Variants in SAMD4B observed in about 807,000 individuals in gnomAD.
The protein encoded by SAMD4B is protein Smaug homolog 2.
A neutral mutation model predicts 74.5 loss-of-function variants in SAMD4B; 5 were observed. The ratio of observed to expected loss-of-function variants is 0.07; its 90% CI spans 0.04 to 0.14. The LOEUF is 0.14. SAMD4B is among the 10% of genes least tolerant of loss of function. The pLI, the probability that SAMD4B is intolerant of heterozygous loss-of-function variation, is 1.00. For missense variants in SAMD4B, 608 were observed against 921.8 expected (o/e 0.66, Z 4.41); for synonymous variants, 373 against 374.9 (o/e 1.00, Z 0.06).
intron 3 of SAMD4B, among the ~76,000 whole-genome samples, chr19:39,363,441 G>T (rs1288030421): frequency 6.6e-6 from 1 of 152,106 alleles, no homozygotes; most frequent in Non-Finnish European, 1.5e-5. Flanking sequence ...CACCCCTGTC[G>T]GGAATCTTAA....
downstream of SAMD4B, chr19:39,387,280 A>G: frequency 2.9e-6 from 1 of 343,518 alleles, no homozygotes; most frequent in Non-Finnish European, 6.0e-6. Flanking sequence ...AACATAGAAA[A>G]GGTATAGTAA....
intron 12 of SAMD4B, among the ~76,000 whole-genome samples, chr19:39,381,751 C>T (rs369479906): frequency 2.8e-4 from 43 of 152,154 alleles, no homozygotes; most frequent in African/African-American, 9.4e-4. Context: ...GACAACATGG[C>T]GAAACCCCAT....
chr19:39,386,977 G>T (rs968087637), downstream of SAMD4B, among the ~76,000 whole-genome samples: 1 of 152,232 alleles, frequency 6.6e-6, no homozygotes, highest in African/African-American at 2.4e-5. This position sits in a 1 kb window ranked among gnomAD's most constrained non-coding sequence, Gnocchi z 6.1. Flanking sequence ...GAGGGCAGGG[G>T]AAAGGAAGGA....
intron 1 of SAMD4B, among the ~76,000 whole-genome samples, chr19:39,347,692 AG>A (rs1230841827): frequency 6.6e-6 from 1 of 152,166 alleles, no homozygotes; most frequent in Non-Finnish European, 1.5e-5. Context: ...TTTGGAAGAG[AG>A]TTAAGTAGGA....
intron 4 of SAMD4B, among the ~76,000 whole-genome samples, chr19:39,374,976 A>G (rs932368405): frequency 7.9e-5 from 12 of 152,204 alleles, no homozygotes; most frequent in African/African-American, 2.9e-4. Flanking sequence ...GTGACTTCAG[A>G]TTAAGGGTTC....
chr19:39,357,861 G>A (rs1228785774), intron 3 of SAMD4B, among the ~76,000 whole-genome samples: 1 of 152,216 alleles, frequency 6.6e-6, no homozygotes, highest in African/African-American at 2.4e-5. Context: ...GGGGCTCCAT[G>A]CAGTTTGTCC....
intron 12 of SAMD4B, among the ~76,000 whole-genome samples, chr19:39,382,411 A>T (rs1338747790): frequency 6.6e-6 from 1 of 152,166 alleles, no homozygotes; most frequent in Non-Finnish European, 1.5e-5. Flanking sequence ...GCAATCTGAG[A>T]CAGGTCTTGC....
At chr19:39,356,241 T>C (rs946661658) in intron 2 of SAMD4B, among the ~76,000 whole-genome samples, 11 of 152,190 alleles carry the variant, frequency 7.2e-5, no homozygotes, top group Admixed American at 5.9e-4. Flanking sequence ...GGAGTCACAC[T>C]GCCCAGCTCT....
At chr19:39,364,153 C>G (rs1477652245) in intron 3 of SAMD4B, among the ~76,000 whole-genome samples, 2 of 152,354 alleles carry the variant, frequency 1.3e-5, no homozygotes, top group East Asian at 3.9e-4. Flanking sequence ...TGCATTGAGC[C>G]CAACCCTTGG....
chr19:39,369,633 TTTC>T lies in SAMD4B; in HGVS notation c.197-16_197-14del, dbSNP rs1462649120. ...GTACCCCACCCTGGCTCTCCTGATA[TTTC>T]TTCTTATCCCTTCTGTAGCCATCGT... On this transcript the variant is annotated intron_variant, in intron 3 of 13. Transcript: ENST00000610417. 13 of 1,604,862 alleles carry T rather than the reference TTTC, an allele frequency of 8.1e-6. No individual in the cohort carries two copies. The highest frequency in any genetic ancestry group is 2.2e-5 in the East Asian group (1 of 44,750).
intron 3 of SAMD4B, among the ~76,000 whole-genome samples, chr19:39,358,213 G>A (rs1442340679): frequency 6.6e-6 from 1 of 152,206 alleles, no homozygotes; most frequent in Non-Finnish European, 1.5e-5. Context: ...GGAGGTTGCA[G>A]TGAGCCAAAA....
At position 39,377,579 on chromosome 19, in the gene SAMD4B, C is replaced by G; in HGVS notation, c.1199C>G (p.Thr400Ser). 1 of 1,613,864 alleles carries G rather than the reference C, an allele frequency of 6.2e-7. No individual in the cohort carries two copies. The highest frequency in any genetic ancestry group is 1.1e-5 in the South Asian group (1 of 91,008). The change falls in exon 8 of 14, where the codon ACC becomes AGC. Residue 400 changes from threonine (T) to serine (S), a missense_variant. Thr to Ser is a moderately conservative substitution (Grantham distance 58, BLOSUM62 1). Around this residue, in one of 9 missense-constraint regions of SAMD4B, gnomAD observed 99 missense variants for 112.1 expected, o/e 0.88. Transcript: ENST00000610417. ...AAGGCCTACAGTGTCCTCCAGGCCA[C>G]CGTGGCTGCCGCCACCACCACCCCT... is the stretch of plus-strand genomic sequence containing the variant. ...PIKAYSVLQA[T>S]VAAATTTPTA...
chr19:39,367,216 G>A (rs1412523994), intron 3 of SAMD4B, among the ~76,000 whole-genome samples: 2 of 152,090 alleles, frequency 1.3e-5, no homozygotes, highest in South Asian at 2.1e-4. Context: ...ACTCCTTTGG[G>A]GTCCTAGCTC....
chr19:39,383,029 G>A lies in SAMD4B; in HGVS notation c.1973-179G>A, dbSNP rs2078096446. Among the ~76,000 whole-genome samples, 1 of 152,004 alleles carries A rather than the reference G, an allele frequency of 6.6e-6. No individual in the cohort carries two copies. The highest frequency in any genetic ancestry group is 1.5e-5 in the Non-Finnish European group (1 of 67,992). On this transcript the variant is annotated intron_variant, in intron 12 of 13. Transcript: ENST00000610417. This position sits in a 1 kb window ranked among gnomAD's most constrained non-coding sequence, Gnocchi z 4.1. Reference sequence around the variant, plus strand: ...TTGCCAAGCCTCTGCCATTGCCATTGTCTCCTCTGCCTGTTGTGTGACACG... The same window carrying A: ...TTGCCAAGCCTCTGCCATTGCCATTATCTCCTCTGCCTGTTGTGTGACACG...
Position 39,378,022 on chromosome 19 carries a change from C to T in SAMD4B, c.1444+198C>T, listed in dbSNP as rs2077708833. 1.3e-5 allele frequency among the ~76,000 whole-genome samples: 2 copies of T among 152,214 alleles called. No individual in the cohort carries two copies. The highest frequency in any genetic ancestry group is 4.8e-5 in the African/African-American group (2 of 41,448). On this transcript the variant is annotated intron_variant, in intron 8 of 13. Transcript: ENST00000610417. The surrounding 1 kb of genome is among the most constrained non-coding windows in gnomAD (Gnocchi z 4.4). ...GCACGTCTGGGCTGATGGTGGATAACAGCCCTTCCCCTCAAAGCGTCTCCA... is the reference window on the plus strand; with the variant it reads ...GCACGTCTGGGCTGATGGTGGATAATAGCCCTTCCCCTCAAAGCGTCTCCA...
At position 39,378,396 on chromosome 19, in the gene SAMD4B, T is replaced by C; in HGVS notation, c.1445-108T>C. On this transcript the variant is annotated intron_variant, in intron 8 of 13. Coordinates refer to ENST00000610417, the MANE Select transcript of SAMD4B (RefSeq NM_001384574.2). The surrounding 1 kb of genome is among the most constrained non-coding windows in gnomAD (Gnocchi z 4.4). ...GCTAGCACTTAATAGTTGATATTCA[T>C]CCAGCCTGAGTCTCCTGTTCCTTCT... is the stretch of plus-strand genomic sequence containing the variant. 2.2e-6 allele frequency: 2 copies of C among 904,032 alleles called. No individual in the cohort carries two copies. The highest frequency in any genetic ancestry group is 1.8e-6 in the Non-Finnish European group (1 of 557,948). 56.0% of individuals were successfully genotyped at this position (904,032 alleles called of 1,614,324 possible).
At chr19:39,389,168 G>A (rs758763683), downstream of SAMD4B, 25 of 1,613,870 alleles carry the variant, frequency 1.5e-5, no homozygotes, top group East Asian at 1.3e-4. This position sits in a 1 kb window ranked among gnomAD's most constrained non-coding sequence, Gnocchi z 5.3. Context: ...TTTCTTCCTC[G>A]GTAAACTGCT....
At chr19:39,367,865 CT>C (rs2077060399) in intron 3 of SAMD4B, among the ~76,000 whole-genome samples, 1 of 151,470 alleles carries the variant, frequency 6.6e-6, no homozygotes, top group African/African-American at 2.4e-5. Context: ...CCCAAGCCTT[CT>C]TTGATGTGGC....
chr19:39,386,676 G>A, downstream of SAMD4B: 3 of 1,604,740 alleles, frequency 1.9e-6, no homozygotes, highest in Non-Finnish European at 2.6e-6. This position sits in a 1 kb window ranked among gnomAD's most constrained non-coding sequence, Gnocchi z 6.1. Flanking sequence ...GGTGCCCTGA[G>A]CCAGTGGTGC....
Sources: allele counts gnomAD v4.1 joint callset (sites outside exome capture counted in the v4.1 genomes callset), GRCh38; gene constraint gnomAD v4.1.1; regional missense constraint gnomAD v4.1.1; non-coding constraint Gnocchi (gnomAD v3.1); transcripts MANE v1.5; gene names NCBI Gene and HGNC (gene_info 2026-07-23, HGNC 2026-07-21).